Variants in ZFHX3 observed in about 807,000 individuals in gnomAD.
The protein encoded by ZFHX3 is zinc finger homeobox 3.
In ZFHX3, 42 loss-of-function variants were observed where a neutral mutation model predicts 279.1. The ratio of observed to expected loss-of-function variants is 0.15; its 90% CI spans 0.12 to 0.19. The LOEUF (loss-of-function observed/expected upper bound fraction) is 0.19. Ranked by LOEUF, ZFHX3 falls within the 10% of genes least tolerant of loss-of-function variation. The pLI is 1.00. For missense variants in ZFHX3, 4,981 were observed against 4,754.0 expected (o/e 1.05, Z -1.40); for synonymous variants, 2,293 against 1,957.8 (o/e 1.17, Z -4.52).
At chr16:72,801,271 T>G (rs554739412) in intron 7 of ZFHX3, among the ~76,000 whole-genome samples, 3 of 152,330 alleles carry the variant, frequency 2.0e-5, no homozygotes, top group African/African-American at 7.2e-5. Context: ...TTGGAGACAT[T>G]ATTTTTCCAT....
chr16:73,356,124 C>G (rs2016336537), intron 3 of ZFHX3, among the ~76,000 whole-genome samples: 1 of 152,160 alleles, frequency 6.6e-6, no homozygotes, highest in Non-Finnish European at 1.5e-5. Context: ...GCCAAGAAAC[C>G]AACCAGGTTT....
At chr16:72,970,022 G>C (rs908443360) in intron 1 of ZFHX3, among the ~76,000 whole-genome samples, 4 of 152,170 alleles carry the variant, frequency 2.6e-5, no homozygotes, top group African/African-American at 4.8e-5. Context: ...GTGCATCTGT[G>C]CTATTTCCAG....
chr16:73,542,321 A>G (rs546639279), intron 2 of ZFHX3, among the ~76,000 whole-genome samples: 1 of 152,212 alleles, frequency 6.6e-6, no homozygotes, highest in Admixed American at 6.5e-5. Context: ...TTTGAATGAC[A>G]GTATGGTGAT....
intron 2 of ZFHX3, among the ~76,000 whole-genome samples, chr16:73,595,341 G>C (rs1000558708): frequency 6.6e-6 from 1 of 152,182 alleles, no homozygotes; most frequent in African/African-American, 2.4e-5. Context: ...AGGACTGCTT[G>C]CTTGCTAAAT....
rs2035586162 is a variant in ZFHX3 at position 72,788,978 on chromosome 16, C to G, written c.9428-130G>C. ...GCTTGAAGGATCCTCTCAAAACGAA[C>G]ATTTCCAACAGAAGTATCCCACCAG... On this transcript the variant is annotated intron_variant, in intron 9 of 9. Coordinates refer to ENST00000268489, the MANE Select transcript of ZFHX3 (RefSeq NM_006885.4). 2.2e-6 allele frequency: 3 copies of G among 1,351,018 alleles called. No individual in the cohort carries two copies. In the East Asian group the frequency reaches 7.3e-5, roughly 33 times the overall value. The allele number at this position is 1,351,018 out of a possible 1,614,324, so 83.7% of individuals were successfully genotyped here.
At chr16:73,533,107 G>A (rs1482998828) in intron 2 of ZFHX3, among the ~76,000 whole-genome samples, 4 of 151,966 alleles carry the variant, frequency 2.6e-5, no homozygotes, top group Non-Finnish European at 5.9e-5. Context: ...ACGCTGCCAG[G>A]CCATCAGTGT....
chr16:73,163,784 G>T (rs1967297282), intron 5 of ZFHX3, among the ~76,000 whole-genome samples: 1 of 151,586 alleles, frequency 6.6e-6, no homozygotes, highest in Non-Finnish European at 1.5e-5. Context: ...ATAATCCAAG[G>T]GTATTTGGTA....
rs554222314 is a variant in ZFHX3 at position 72,787,345 on chromosome 16, C to T, written c.10931G>A (p.Ser3644Asn). The T allele has an allele frequency of 2.2e-5, 36 of 1,613,426 alleles. No homozygotes were observed. The South Asian group carries it at 2.5e-4, about 11-fold the overall frequency. ...PLSSSSTVTS[S>N]SCSTSGVQPS... ...CTGAACCCCTGAGGTGCTGCATGAA[C>T]TTGAGGTAACCGTTGAAGATGAGGA... The change falls in exon 10 of 10, where the codon AGT (serine) becomes AAT (asparagine). Residue 3644 changes from serine (S) to asparagine (N), a missense_variant. Physicochemically the swap from Ser to Asn is conservative, Grantham distance 46. Around this residue, in one of 7 missense-constraint regions of ZFHX3, gnomAD observed 1,034 missense variants for 786.0 expected, o/e 1.32. Transcript: ENST00000268489.
At chr16:73,606,231 G>A (rs2052181240) in intron 2 of ZFHX3, among the ~76,000 whole-genome samples, 1 of 150,158 alleles carries the variant, frequency 6.7e-6, no homozygotes, top group African/African-American at 2.5e-5. Context: ...ATGCTAGGCT[G>A]GCGTGGTGGC....
At chr16:73,808,863 G>C (rs531584623) in intron 1 of ZFHX3, among the ~76,000 whole-genome samples, 1 of 152,126 alleles carries the variant, frequency 6.6e-6, no homozygotes, top group Non-Finnish European at 1.5e-5. Context: ...GCAGCCTTAG[G>C]ATAGAAACTG....
intron 2 of ZFHX3, among the ~76,000 whole-genome samples, chr16:73,633,482 G>A (rs968489491): frequency 6.6e-6 from 1 of 152,200 alleles, no homozygotes; most frequent in Non-Finnish European, 1.5e-5. Context: ...GGTAATCTTT[G>A]CAGGAAAGTG....
chr16:73,726,787 G>A (rs548547718), intron 1 of ZFHX3, among the ~76,000 whole-genome samples: 45 of 152,276 alleles, frequency 3.0e-4, no homozygotes, highest in African/African-American at 8.7e-4. Context: ...CTCAAGCCAT[G>A]AGGGACCCAC....
intron 3 of ZFHX3, chr16:73,387,240 G>T (rs1053495878): frequency 5.3e-5 from 8 of 152,236 alleles, no homozygotes; most frequent in Non-Finnish European, 8.8e-5. Flanking sequence ...GCAGCACCCA[G>T]TGGATTTGTG....
intron 5 of ZFHX3, among the ~76,000 whole-genome samples, chr16:73,206,492 G>T (rs139031932): frequency 6.6e-6 from 1 of 152,084 alleles, no homozygotes; most frequent in African/African-American, 2.4e-5. Context: ...CTTAGAGTTC[G>T]CTACTGCCTT....
At chr16:72,998,654 T>C (rs1351076053) in intron 1 of ZFHX3, among the ~76,000 whole-genome samples, 1 of 152,210 alleles carries the variant, frequency 6.6e-6, no homozygotes, top group Non-Finnish European at 1.5e-5. Flanking sequence ...AAACCCTGGC[T>C]TCCTCTAATC....
Position 73,564,872 on chromosome 16 carries a change from G to A in ZFHX3, c.-1546-108614C>T, listed in dbSNP as rs73602959. ...GCTATGCAATGTATTTAACTTTGAG[G>A]TGTCTCTTTGTTCTCTTAGGAAAAA... On this transcript the variant is annotated intron_variant, in intron 2 of 17. Coordinates refer to the ZFHX3 transcript ENST00000641206. Among the ~76,000 whole-genome samples, 542 of 152,294 alleles carry A rather than the reference G, an allele frequency of 3.6e-3. 3 individuals are homozygous for A. Among genetic ancestry groups the A allele is most frequent in the African/African-American group, 0.012 (487 of 41,560 alleles).
intron 1 of ZFHX3, among the ~76,000 whole-genome samples, chr16:73,056,463 G>A (rs544338423): frequency 6.6e-6 from 1 of 151,970 alleles, no homozygotes; most frequent in African/African-American, 2.4e-5. Context: ...CCAACCCCTA[G>A]GTCTCCTGAA....
At chr16:73,615,767 A>G (rs2052294166) in intron 2 of ZFHX3, among the ~76,000 whole-genome samples, 1 of 152,204 alleles carries the variant, frequency 6.6e-6, no homozygotes, top group African/African-American at 2.4e-5. Context: ...ATACAGAGAC[A>G]GAACAGGGAC....
chr16:73,273,492 T>C (rs1057208368), intron 4 of ZFHX3, among the ~76,000 whole-genome samples: 1 of 152,192 alleles, frequency 6.6e-6, no homozygotes, highest in Admixed American at 6.5e-5. Context: ...TCAAAATTTA[T>C]ATATAAAACA....
Sources: gnomAD v4.1 joint callset for allele counts (sites outside exome capture counted in the v4.1 genomes callset) on GRCh38, gnomAD v4.1.1 for gene constraint, gnomAD v4.1.1 regional missense constraint, MANE v1.5 for transcripts, NCBI Gene and HGNC (gene_info 2026-07-23, HGNC 2026-07-21) for gene names.